Variants in CD44 observed in about 807,000 individuals in gnomAD.
The protein encoded by CD44 is CD44 molecule (IN blood group).
In CD44, 49 loss-of-function variants were observed where a neutral mutation model predicts 88.8. That is an observed-to-expected ratio of 0.55 (90% CI 0.44 to 0.70). The LOEUF (loss-of-function observed/expected upper bound fraction) is 0.70, where lower values mean the gene tolerates loss of function less well. Among genes scored for constraint, CD44 ranks in the 30% least tolerant of loss-of-function variants. The probability of loss-of-function intolerance (pLI) is 0.00; values close to 1 mark genes in which losing one functional copy is unlikely to be tolerated. For missense variants in CD44, 883 were observed against 913.8 expected, an observed-to-expected ratio of 0.97 and a Z score of 0.43; for synonymous variants, 325 against 312.3, an observed-to-expected ratio of 1.04 and a Z score of -0.43.
At chr11:35,176,892 C>A in intron 2 of CD44, 152 bp downstream of exon 2, 1 of 669,648 alleles carries the variant, frequency 1.5e-6, no homozygotes, top group South Asian at 2.0e-5. Context: ...AATCTGCAAC[C>A]TGTATGACAA....
chr11:35,207,456 T>C (rs989369070), intron 11 of CD44, among the ~76,000 whole-genome samples: 3 of 152,168 alleles, frequency 2.0e-5, no homozygotes, highest in South Asian at 2.1e-4. Flanking sequence ...AAAAACAACA[T>C]TTACAAGTAT....
intron 1 of CD44, among the ~76,000 whole-genome samples, chr11:35,154,431 T>C (rs1187196493): frequency 6.6e-6 from 1 of 152,202 alleles, no homozygotes. Context: ...GTAGACTTTT[T>C]CAGAACAGCG....
intron 17 of CD44, chr11:35,222,351 T>C: frequency 8.5e-7 from 1 of 1,171,228 alleles, no homozygotes; most frequent in Non-Finnish European, 1.1e-6. Flanking sequence ...AATGATATCA[T>C]TTTCTATTTT....
At chr11:35,157,160 A>T (rs1325717107) in intron 1 of CD44, among the ~76,000 whole-genome samples, 1 of 152,190 alleles carries the variant, frequency 6.6e-6, no homozygotes, top group Non-Finnish European at 1.5e-5. Context: ...GCACATGGAG[A>T]CACTGAATTT....
intron 15 of CD44, chr11:35,219,095 C>T (rs1949080570): frequency 9.1e-6 from 5 of 546,876 alleles, no homozygotes; most frequent in South Asian, 8.4e-5. Context: ...TGAGAATTCT[C>T]ATGTTCCTTG....
At chr11:35,181,139 G>A (rs1944948523) in intron 3 of CD44, among the ~76,000 whole-genome samples, 1 of 152,170 alleles carries the variant, frequency 6.6e-6, no homozygotes, top group African/African-American at 2.4e-5. Flanking sequence ...TAAGTCAAAT[G>A]TCTTAGCTGA....
At chr11:35,184,848 G>A (rs1230366713) in intron 3 of CD44, among the ~76,000 whole-genome samples, 2 of 152,118 alleles carry the variant, frequency 1.3e-5, no homozygotes, top group African/African-American at 2.4e-5. Context: ...GTACATATTT[G>A]GAGATGCATT....
At chr11:35,181,765 T>C (rs1480518289) in intron 3 of CD44, among the ~76,000 whole-genome samples, 1 of 118,644 alleles carries the variant, frequency 8.4e-6, no homozygotes, top group Non-Finnish European at 1.6e-5. Flanking sequence ...TTTATATTTA[T>C]ATATTTATAT....
intron 14 of CD44, among the ~76,000 whole-genome samples, chr11:35,211,811 C>A (rs771443872): frequency 6.6e-6 from 1 of 151,966 alleles, no homozygotes; most frequent in Non-Finnish European, 1.5e-5. Context: ...TGAAAGTAGT[C>A]GAATTTTAGC....
At chr11:35,190,125 C>T (rs964373617) in intron 5 of CD44, 60 bp downstream of exon 5, 2 of 1,420,898 alleles carry the variant, frequency 1.4e-6, no homozygotes, top group African/African-American at 1.4e-5. Flanking sequence ...TGTCTCTGAC[C>T]TTCCTGAGCA....
chr11:35,189,505 G>A (rs1946057061), intron 4 of CD44, among the ~76,000 whole-genome samples: 1 of 152,200 alleles, frequency 6.6e-6, no homozygotes, highest in Non-Finnish European at 1.5e-5. Flanking sequence ...ACTGTGCTGA[G>A]CACTTTACTT....
intron 3 of CD44, among the ~76,000 whole-genome samples, chr11:35,185,053 G>A (rs534603226): frequency 1.3e-5 from 2 of 152,206 alleles, no homozygotes; most frequent in Non-Finnish European, 2.9e-5. Context: ...TAGGGAGGGA[G>A]GCAGGTAGCA....
At chr11:35,166,175 A>G (rs530642651) in intron 1 of CD44, among the ~76,000 whole-genome samples, 3 of 152,332 alleles carry the variant, frequency 2.0e-5, no homozygotes, top group Admixed American at 1.3e-4. Context: ...TGCTAAATCA[A>G]TAAGATCCGA....
chr11:35,214,848 A>G lies in CD44; in HGVS notation c.1811-4A>G. Reference sequence around the variant, plus strand: ...GTACTGACCTTCCTGATTGCTCATTACAGGAGACCAAGACACATTCCACCC... The same window carrying G: ...GTACTGACCTTCCTGATTGCTCATTGCAGGAGACCAAGACACATTCCACCC... On this transcript the variant is annotated splice_polypyrimidine_tract_variant and splice_region_variant and intron_variant, in intron 14 of 17. Coordinates refer to ENST00000428726, the MANE Select transcript of CD44 (RefSeq NM_000610.4). 1 of 1,534,128 alleles carries G rather than the reference A, an allele frequency of 6.5e-7. No individual in the cohort carries two copies. Among genetic ancestry groups the G allele is most frequent in the Non-Finnish European group, 8.8e-7 (1 of 1,138,002 alleles).
intron 1 of CD44, among the ~76,000 whole-genome samples, chr11:35,161,677 G>C (rs997879329): frequency 1.3e-5 from 2 of 152,180 alleles, no homozygotes; most frequent in Non-Finnish European, 2.9e-5. Context: ...GACCCAAATG[G>C]AACTCTTATC....
chr11:35,187,129 C>A (rs1009368853), intron 4 of CD44, among the ~76,000 whole-genome samples: 1 of 152,086 alleles, frequency 6.6e-6, no homozygotes, highest in African/African-American at 2.4e-5. Context: ...AAAAAATTAG[C>A]TGGGCATAGT....
At chr11:35,197,698 T>TGG in intron 6 of CD44, 1 of 154,378 alleles carries the variant, frequency 6.5e-6, no homozygotes, top group Non-Finnish European at 1.4e-5. Flanking sequence ...GATTCCAACA[T>TGG]TTTTCTGAAG....
At chr11:35,155,418 G>A (rs916332298) in intron 1 of CD44, among the ~76,000 whole-genome samples, 2 of 152,188 alleles carry the variant, frequency 1.3e-5, no homozygotes, top group Non-Finnish European at 2.9e-5. Context: ...AGAAGGCAAA[G>A]CTAAGTTTTT....
At chr11:35,211,167 T>C (rs1245157543) in intron 13 of CD44, 79 bp from the exon 14 acceptor site, 3 of 1,057,494 alleles carry the variant, frequency 2.8e-6, no homozygotes, top group Non-Finnish European at 4.4e-6. Context: ...TTTGCAGCAA[T>C]TGTGTGTTCT....
Sources: allele counts gnomAD v4.1 joint callset (sites outside exome capture counted in the v4.1 genomes callset), GRCh38; gene constraint gnomAD v4.1.1; transcripts MANE v1.5; gene names NCBI Gene and HGNC (gene_info 2026-07-23, HGNC 2026-07-21).